The following CNTLN variants were observed in gnomAD, a reference collection of about 807,000 sequenced individuals.
CNTLN encodes the protein centlein, centrosomal protein.
CNTLN carries 212 observed loss-of-function variants against 180.0 expected under a neutral mutation model. The observed-to-expected ratio is 1.18, with a 90% CI of 1.05 to 1.32. The LOEUF (loss-of-function observed/expected upper bound fraction) is 1.32, where lower values mean the gene tolerates loss of function less well. CNTLN is among the 40% of genes most tolerant of loss of function. CNTLN has a pLI of 0.00. For synonymous variants in CNTLN, 722 were observed against 563.1 expected (o/e 1.28, Z -3.99); for missense variants, 2,095 against 1,610.9 (o/e 1.30, Z -5.14).
chr9:17,354,864 C>A (rs1822701234), intron 12 of CNTLN, among the ~76,000 whole-genome samples: 1 of 152,108 alleles, frequency 6.6e-6, no homozygotes. Context: ...GTCCACACTG[C>A]TTTTATGAGC....
chr9:17,287,302 A>T (rs1464109923), intron 6 of CNTLN, among the ~76,000 whole-genome samples: 5 of 149,152 alleles, frequency 3.4e-5, no homozygotes, highest in Non-Finnish European at 7.5e-5. Context: ...TATATGCTGG[A>T]TTACATTTAT....
Position 17,466,727 on chromosome 9 carries a change from G to C in CNTLN, c.3691G>C (p.Val1231Leu), listed in dbSNP as rs1457695479. Residue 1231 changes from valine (V) to leucine (L), a missense_variant, in exon 23 of 26, where the codon GTA becomes CTA. Transcript: ENST00000380647. ...EKKDLKLTLL[V>L]SRISETESAM... ...GCAGGATCTCAAGCTTACTCTCCTAGTATCAAGAATAAGTGAGACTGAATC... is the reference window on the plus strand; with the variant it reads ...GCAGGATCTCAAGCTTACTCTCCTACTATCAAGAATAAGTGAGACTGAATC... 2 of 1,609,422 alleles carry C rather than the reference G, an allele frequency of 1.2e-6. No individual in the cohort carries two copies. Among genetic ancestry groups the C allele is most frequent in the Admixed American group, 3.4e-5 (2 of 59,598 alleles).
chr9:17,440,239 A>G (rs1830022875), intron 18 of CNTLN, among the ~76,000 whole-genome samples: 1 of 152,066 alleles, frequency 6.6e-6, no homozygotes, highest in Admixed American at 6.6e-5. Flanking sequence ...TAGAGTTACC[A>G]AATAACCTAC....
At chr9:17,498,525 G>A (rs922798371) in intron 25 of CNTLN, among the ~76,000 whole-genome samples, 7 of 152,160 alleles carry the variant, frequency 4.6e-5, no homozygotes, top group Non-Finnish European at 1.0e-4. Flanking sequence ...GAATGACTAG[G>A]AAGATCTGCC....
chr9:17,512,649 G>A, the CNTLN span, among the ~76,000 whole-genome samples: 1 of 151,994 alleles, frequency 6.6e-6, no homozygotes, highest in African/African-American at 2.4e-5. Context: ...CTATAATTAA[G>A]AAAAGAAGAG....
At chr9:17,347,232 T>C (rs1821970908) in intron 12 of CNTLN, among the ~76,000 whole-genome samples, 1 of 152,228 alleles carries the variant, frequency 6.6e-6, no homozygotes. Flanking sequence ...GAATATAATT[T>C]CATCCTTTGA....
At chr9:17,353,591 T>C (rs1339971434) in intron 12 of CNTLN, among the ~76,000 whole-genome samples, 1 of 133,658 alleles carries the variant, frequency 7.5e-6, no homozygotes, top group Non-Finnish European at 1.6e-5. Flanking sequence ...GTAATAGTTT[T>C]GTTTTCGTTT....
At chr9:17,213,960 T>G (rs1000940179) in intron 2 of CNTLN, among the ~76,000 whole-genome samples, 2 of 152,134 alleles carry the variant, frequency 1.3e-5, no homozygotes, top group African/African-American at 2.4e-5. Context: ...TTGCAGGTGA[T>G]ATGGGTCTTC....
intron 25 of CNTLN, among the ~76,000 whole-genome samples, chr9:17,489,145 T>TA (rs1401835325): frequency 1.3e-5 from 2 of 152,078 alleles, no homozygotes; most frequent in Non-Finnish European, 2.9e-5. Context: ...CTTTTTTTTT[T>TA]AGCCTACTTT....
chr9:17,252,553 A>G (rs912399934), intron 5 of CNTLN, among the ~76,000 whole-genome samples: 1 of 151,664 alleles, frequency 6.6e-6, no homozygotes, highest in Admixed American at 6.6e-5. Flanking sequence ...CTTTTGAGAA[A>G]TGTCCATTTT....
chr9:17,456,880 T>G (rs1831154424), intron 18 of CNTLN, among the ~76,000 whole-genome samples: 1 of 152,186 alleles, frequency 6.6e-6, no homozygotes, highest in South Asian at 2.1e-4. Flanking sequence ...TACTATTATG[T>G]CATTTAGCAA....
At chr9:17,207,252 AT>A (rs1372248894) in intron 2 of CNTLN, among the ~76,000 whole-genome samples, 1 of 152,136 alleles carries the variant, frequency 6.6e-6, no homozygotes, top group African/African-American at 2.4e-5. Flanking sequence ...TTATATCTGC[AT>A]TGCCATTTAT....
chr9:17,263,679 T>C lies in CNTLN; in HGVS notation c.850-10054T>C, dbSNP rs550436940. Among the ~76,000 whole-genome samples the C allele has an allele frequency of 3.5e-5, 5 of 143,528 alleles. 1 individual carries two copies. The South Asian group carries it at 1.2e-3, about 35-fold the overall frequency. The allele number at this position is 143,528 out of a possible 152,430, so 94.2% of individuals were successfully genotyped here. On this transcript the variant is annotated intron_variant, in intron 5 of 25. Transcript: ENST00000380647. The stretch of plus-strand genomic sequence containing the variant: ...CACCAACAGTGTAAAAGTGTTCCTA[T>C]TTCTGCACATCCTCTCCAGCCCCTG...
At chr9:17,269,384 C>G (rs1827770016) in intron 5 of CNTLN, among the ~76,000 whole-genome samples, 1 of 151,992 alleles carries the variant, frequency 6.6e-6, no homozygotes, top group African/African-American at 2.4e-5. Context: ...TTTTAATGTA[C>G]TACATACTTA....
chr9:17,258,117 C>T (rs1402746145), intron 5 of CNTLN, among the ~76,000 whole-genome samples: 6 of 148,392 alleles, frequency 4.0e-5, no homozygotes, highest in East Asian at 2.0e-4. Flanking sequence ...TTAGGTCTAA[C>T]GTTTAAGTCT....
rs1818942262 is a variant in CNTLN, at chr9:17,309,043, T to C, written c.1147-15T>C. 3.3e-6 allele frequency: 5 copies of C among 1,523,626 alleles called. No homozygotes were observed. In the East Asian group the frequency reaches 1.1e-4, roughly 35 times the overall value. The allele number at this position is 1,523,626 out of a possible 1,614,324, so 94.4% of individuals were successfully genotyped here. A position where few individuals can be genotyped will look rare whatever the true frequency, so the allele number is the denominator to read the frequency against. On this transcript the variant is annotated splice_polypyrimidine_tract_variant and intron_variant, in intron 7 of 25. Transcript: ENST00000380647. ...ATTGATTATTAATATAATTTGGATA[T>C]ATTTTTTGAAACAGCTTTACAATGA...
intron 23 of CNTLN, among the ~76,000 whole-genome samples, chr9:17,481,074 G>A (rs561376954): frequency 6.6e-6 from 1 of 152,088 alleles, no homozygotes; most frequent in South Asian, 2.1e-4. Context: ...CCCAGCTTAC[G>A]TACCCACCCA....
intron 5 of CNTLN, among the ~76,000 whole-genome samples, chr9:17,249,265 GT>G (rs1825984523): frequency 6.6e-6 from 1 of 150,710 alleles, no homozygotes; most frequent in African/African-American, 2.4e-5. Context: ...GTTTTGTCGT[GT>G]TGTGTTTCTT....
intron 23 of CNTLN, among the ~76,000 whole-genome samples, chr9:17,470,391 A>G (rs1249522070): frequency 1.3e-5 from 2 of 151,960 alleles, no homozygotes; most frequent in African/African-American, 4.8e-5. Flanking sequence ...TATCATGTAC[A>G]CAAAAGTACT....
Sources: allele counts gnomAD v4.1 joint callset (sites outside exome capture counted in the v4.1 genomes callset), GRCh38; gene constraint gnomAD v4.1.1; transcripts MANE v1.5; gene names NCBI Gene and HGNC (gene_info 2026-07-23, HGNC 2026-07-21).